SYTL2: variants seen among roughly 807,000 people sequenced by gnomAD.
The protein encoded by SYTL2 is synaptotagmin-like protein 2.
In SYTL2, 165 loss-of-function variants were observed where a neutral mutation model predicts 198.7. That is an observed-to-expected ratio of 0.83 (90% CI 0.73 to 0.94). SYTL2 has a LOEUF of 0.94. Among genes scored for constraint, SYTL2 ranks in the 40% least tolerant of loss-of-function variants. The pLI is 0.00. For synonymous variants in SYTL2, 966 were observed against 917.7 expected, an observed-to-expected ratio of 1.05 and a Z score of -0.95; for missense variants, 2,835 against 2,582.8, an observed-to-expected ratio of 1.10 and a Z score of -2.12.
rs140209163 is a variant in SYTL2 at position 85,748,779 on chromosome 11, C to T, written c.102-356G>A. Among the ~76,000 whole-genome samples the T allele has an allele frequency of 9.8e-4, 149 of 152,246 alleles. 1 individual carries two copies. In the East Asian group the frequency reaches 0.027, roughly 28 times the overall value. Reference sequence around the variant, plus strand: ...TTCCCTAAGCCTTGGTTTCCTTATCCGTAAAAAAGCATTAGTAATAGTAAC... The same window carrying T: ...TTCCCTAAGCCTTGGTTTCCTTATCTGTAAAAAAGCATTAGTAATAGTAAC... On this transcript the variant is annotated intron_variant, in intron 2 of 19. Transcript: ENST00000359152.
intron 1 of SYTL2, among the ~76,000 whole-genome samples, chr11:85,776,249 G>A (rs894290615): frequency 2.1e-4 from 32 of 152,118 alleles, no homozygotes; most frequent in African/African-American, 7.2e-4. Context: ...TCAGAATCAT[G>A]AGCCAAATAA....
intron 2 of SYTL2, among the ~76,000 whole-genome samples, chr11:85,752,420 C>A (rs1057264139): frequency 6.6e-6 from 1 of 152,160 alleles, no homozygotes; most frequent in Non-Finnish European, 1.5e-5. Context: ...AGAAGCCAGT[C>A]TGACTCCCAG....
intron 1 of SYTL2, among the ~76,000 whole-genome samples, chr11:85,803,532 C>G (rs1289485855): frequency 2.6e-5 from 4 of 152,218 alleles, no homozygotes; most frequent in Admixed American, 1.3e-4. Context: ...TTAAGCCCAT[C>G]ATTACATCTC....
the SYTL2 span, among the ~76,000 whole-genome samples, chr11:85,840,217 A>T: frequency 6.6e-6 from 1 of 152,164 alleles, no homozygotes; most frequent in Non-Finnish European, 1.5e-5. Context: ...GTTTGCAAAT[A>T]TCTTCGCCCA....
At chr11:85,837,122 CA>C in the SYTL2 span, among the ~76,000 whole-genome samples, 4 of 152,190 alleles carry the variant, frequency 2.6e-5, no homozygotes, top group African/African-American at 9.7e-5. Flanking sequence ...AATCAGGCTC[CA>C]AATTCAGTCA....
intron 1 of SYTL2, among the ~76,000 whole-genome samples, chr11:85,764,638 C>T (rs1253422810): frequency 6.6e-6 from 1 of 152,180 alleles, no homozygotes; most frequent in Non-Finnish European, 1.5e-5. Context: ...TTGACTTTGT[C>T]ATTTCTTATG....
At chr11:85,746,942 G>A (rs2091193697) in intron 3 of SYTL2, among the ~76,000 whole-genome samples, 1 of 152,098 alleles carries the variant, frequency 6.6e-6, no homozygotes, top group Non-Finnish European at 1.5e-5. Flanking sequence ...TATAGAATGG[G>A]GGAAATAATG....
chr11:85,720,670 T>C (rs899610322), intron 9 of SYTL2, among the ~76,000 whole-genome samples, 188 bp downstream of exon 9: 1 of 152,194 alleles, frequency 6.6e-6, no homozygotes, highest in African/African-American at 2.4e-5. Flanking sequence ...ATATATTATT[T>C]TATAAGCAAA....
intron 7 of SYTL2, 128 bp from the exon 8 acceptor site, chr11:85,728,095 G>T: frequency 2.6e-6 from 2 of 756,152 alleles, no homozygotes; most frequent in Non-Finnish European, 4.1e-6. Flanking sequence ...GTTTATACCA[G>T]CATTTTTCAG....
At chr11:85,752,874 G>A (rs1280296135) in intron 2 of SYTL2, among the ~76,000 whole-genome samples, 2 of 123,004 alleles carry the variant, frequency 1.6e-5, no homozygotes, top group Non-Finnish European at 3.2e-5. Flanking sequence ...AAAACACCAT[G>A]AGAGGTCCTG....
the SYTL2 span, among the ~76,000 whole-genome samples, chr11:85,829,133 G>C: frequency 6.6e-6 from 1 of 151,986 alleles, no homozygotes; most frequent in Non-Finnish European, 1.5e-5. Flanking sequence ...TTTGTTATGG[G>C]GGTATATTAT....
In SYTL2 at chr11:85,724,392, T is replaced by C. The variant is rs755123843; in HGVS notation, c.4966A>G (p.Arg1656Gly). 1.3e-6 allele frequency: 2 copies of C among 1,596,422 alleles called. No homozygotes were observed. The highest frequency in any genetic ancestry group is 2.2e-5 in the East Asian group (1 of 44,850). Residue 1656 changes from arginine (R) to glycine (G), a missense_variant, in exon 8 of 20, where the codon AGA (arginine) becomes GGA (glycine). By Grantham distance (125) the Arg-to-Gly change is moderately radical. Coordinates refer to ENST00000359152, the MANE Select transcript of SYTL2 (RefSeq NM_206927.4). The part of the protein sequence containing the change: ...TDLLVDFCGS[R>G]SGVEIPRTPQ... The stretch of plus-strand genomic sequence containing the variant: ...GTTCTAGGGATCTCAACTCCACTTC[T>C]GGAACCACAAAAATCTACCAATAAA...
chr11:85,748,216 C>T (rs186003269), intron 3 of SYTL2, 56 bp downstream of exon 3: 30 of 1,572,534 alleles, frequency 1.9e-5, no homozygotes, highest in African/African-American at 9.5e-5. Context: ...CCCTTCTCCC[C>T]GCTCCTCCTT....
At chr11:85,792,322 G>A (rs2092742388) in intron 1 of SYTL2, among the ~76,000 whole-genome samples, 1 of 151,918 alleles carries the variant, frequency 6.6e-6, no homozygotes, top group African/African-American at 2.4e-5. Flanking sequence ...TATCTGACAG[G>A]GCAGTGGAGG....
chr11:85,762,874 A>G lies in SYTL2; in HGVS notation c.-389-4760T>C, dbSNP rs561963347. Among the ~76,000 whole-genome samples the G allele has an allele frequency of 2.0e-5, 3 of 152,240 alleles. No homozygotes were observed. In the East Asian group the frequency reaches 5.8e-4, roughly 29 times the overall value. ...TTTGTCTCTTGCCAGTTTATGAACA[A>G]GGCTTGTGTCTCCCAGTGATTTGTA... On this transcript the variant is annotated intron_variant, in intron 1 of 19. Transcript: ENST00000359152.
chr11:85,718,018 G>A (rs2087642068), intron 10 of SYTL2, among the ~76,000 whole-genome samples: 1 of 152,150 alleles, frequency 6.6e-6, no homozygotes, highest in Admixed American at 6.5e-5. Context: ...GACCTTTAAG[G>A]AGCTCTGTTG....
At chr11:85,794,080 G>A (rs2092769482) in intron 1 of SYTL2, among the ~76,000 whole-genome samples, 1 of 152,086 alleles carries the variant, frequency 6.6e-6, no homozygotes, top group Admixed American at 6.6e-5. Flanking sequence ...ATGCTGCCCA[G>A]GCTGGTCTTG....
chr11:85,827,271 G>A, the SYTL2 span, among the ~76,000 whole-genome samples: 1 of 152,136 alleles, frequency 6.6e-6, no homozygotes, highest in South Asian at 2.1e-4. Flanking sequence ...AGGCCCCTAG[G>A]TGGACCCCAC....
rs747223787 is a variant in SYTL2, at chr11:85,704,956, G to A, written c.6091C>T (p.Arg2031Cys). 55 of 1,613,336 alleles carry A rather than the reference G, an allele frequency of 3.4e-5. No homozygotes were observed. In the East Asian group the frequency reaches 4.7e-4, roughly 14 times the overall value. ...TCCACCTCCCCTAGGAAACTATTGC[G>A]CTTAAATGTATCCCGATGCCAAATG... Reference protein sequence around the residue: ...LSIWHRDTFKRNSFLGEVELD... With the variant: ...LSIWHRDTFKCNSFLGEVELD... Residue 2031 changes from arginine (R) to cysteine (C), a missense_variant, in exon 16 of 20, where the codon CGC becomes TGC. By Grantham distance (180) the Arg-to-Cys change is radical. Coordinates refer to ENST00000359152, the MANE Select transcript of SYTL2 (RefSeq NM_206927.4).
Sources: gnomAD v4.1 joint callset for allele counts (sites outside exome capture counted in the v4.1 genomes callset) on GRCh38, gnomAD v4.1.1 for gene constraint, MANE v1.5 for transcripts, NCBI Gene and HGNC (gene_info 2026-07-23, HGNC 2026-07-21) for gene names.